The following SGCD variants were observed in gnomAD, a reference collection of about 807,000 sequenced individuals.
SGCD encodes the protein delta-sarcoglycan.
Under a neutral mutation model 36.6 loss-of-function variants are expected in SGCD, and 18 were observed. The ratio of observed to expected loss-of-function variants is 0.49; its 90% CI spans 0.34 to 0.73. The LOEUF (loss-of-function observed/expected upper bound fraction) is 0.73, where lower values mean the gene tolerates loss of function less well. Among genes scored for constraint, SGCD ranks in the 30% least tolerant of loss-of-function variants. SGCD has a pLI of 0.01. For synonymous variants in SGCD, 133 were observed against 130.6 expected, an observed-to-expected ratio of 1.02 and a Z score of -0.12; for missense variants, 387 against 346.7, an observed-to-expected ratio of 1.12 and a Z score of -0.92.
the SGCD span, among the ~76,000 whole-genome samples, chr5:155,775,440 A>C: frequency 6.6e-6 from 1 of 152,188 alleles, no homozygotes. Context: ...TAATTTGCCC[A>C]AAATTAGACA....
Position 156,759,241 on chromosome 5 carries a change from A to T in SGCD, c.724A>T (p.Arg242Trp). 2 of 1,613,796 alleles carry T rather than the reference A, an allele frequency of 1.2e-6. No individual in the cohort carries two copies. The highest frequency in any genetic ancestry group is 1.7e-6 in the Non-Finnish European group (2 of 1,179,736). Residue 242 changes from arginine to tryptophan, a missense_variant, in exon 9 of 9, where the codon AGG becomes TGG. By Grantham distance (101) the Arg-to-Trp change is moderately radical. Transcript: ENST00000337851. ...GATTAAGTTAGATGCTGCGAAAATC[A>T]GGCTACCTAGACTGCCTCATGGATC... is the stretch of plus-strand genomic sequence containing the variant. ...GEIKLDAAKI[R>W]LPRLPHGSYT...
In SGCD at chr5:156,612,760, C is replaced by G. The variant is rs114392191; in HGVS notation, c.502+17709C>G. On this transcript the variant is annotated intron_variant, in intron 6 of 8. Transcript: ENST00000337851. ...GTGCAATGGCTACCACCCTCCAGAG[C>G]AGCATGTACTCTAGCAGTTGATCCA... 2.7e-3 allele frequency among the ~76,000 whole-genome samples: 413 copies of G among 152,282 alleles called. 3 individuals are homozygous for G. The highest frequency in any genetic ancestry group is 9.5e-3 in the African/African-American group (395 of 41,546).
chr5:156,097,197 C>T (rs1761400529), intron 1 of SGCD, among the ~76,000 whole-genome samples: 1 of 151,780 alleles, frequency 6.6e-6, no homozygotes, highest in South Asian at 2.1e-4. Context: ...TCTAGGTTTA[C>T]CCTGTTTGGT....
chr5:156,597,131 T>G (rs1187087388), intron 6 of SGCD, among the ~76,000 whole-genome samples: 1 of 152,220 alleles, frequency 6.6e-6, no homozygotes, highest in Non-Finnish European at 1.5e-5. Flanking sequence ...GCCTTGCTTT[T>G]TTATATCTGT....
At chr5:156,036,854 C>A (rs1317566857) in intron 1 of SGCD, among the ~76,000 whole-genome samples, 2 of 152,112 alleles carry the variant, frequency 1.3e-5, no homozygotes, top group Non-Finnish European at 2.9e-5. Context: ...CCTTCTATGT[C>A]ATGCTGCAGT....
chr5:156,283,355 A>C (rs1337406373), intron 3 of SGCD, among the ~76,000 whole-genome samples: 1 of 152,210 alleles, frequency 6.6e-6, no homozygotes, highest in African/African-American at 2.4e-5. Context: ...TGCACAGATC[A>C]GTCATACCCA....
chr5:156,723,395 T>C (rs1204567208), intron 7 of SGCD, among the ~76,000 whole-genome samples: 1 of 152,220 alleles, frequency 6.6e-6, no homozygotes, highest in African/African-American at 2.4e-5. Context: ...CTATTTATTA[T>C]AGACTTAAAC....
chr5:156,264,050 G>GT (rs1159065966), intron 3 of SGCD, among the ~76,000 whole-genome samples: 1 of 151,520 alleles, frequency 6.6e-6, no homozygotes. Flanking sequence ...TAGATTGATT[G>GT]TAAAAAAAAA....
At chr5:156,263,200 G>T (rs1765911948) in intron 3 of SGCD, among the ~76,000 whole-genome samples, 1 of 151,960 alleles carries the variant, frequency 6.6e-6, no homozygotes, top group African/African-American at 2.4e-5. Flanking sequence ...TTCTATAGTG[G>T]TTGTACTAGT....
At chr5:156,342,964 C>G (rs1185854932) in intron 2 of SGCD, among the ~76,000 whole-genome samples, 2 of 152,164 alleles carry the variant, frequency 1.3e-5, no homozygotes, top group African/African-American at 2.4e-5. Flanking sequence ...GAGACAGATG[C>G]CATGTAGGCC....
intron 4 of SGCD, among the ~76,000 whole-genome samples, chr5:156,576,966 G>T (rs1293249096): frequency 6.6e-6 from 1 of 151,920 alleles, no homozygotes; most frequent in Non-Finnish European, 1.5e-5. Context: ...CATTGCTTTT[G>T]GTGTTTTAGA....
intron 4 of SGCD, among the ~76,000 whole-genome samples, chr5:156,562,646 G>C (rs918098877): frequency 1.3e-5 from 2 of 152,028 alleles, no homozygotes; most frequent in African/African-American, 4.8e-5. Flanking sequence ...ATTTTAAAAT[G>C]ACCATTCAAT....
chr5:156,735,043 T>A (rs1034022793), intron 7 of SGCD, among the ~76,000 whole-genome samples: 8 of 152,220 alleles, frequency 5.3e-5, no homozygotes, highest in Non-Finnish European at 1.0e-4. Flanking sequence ...TTAAACAGTC[T>A]GGCCACTTTT....
chr5:155,867,086 G>A (rs1755538313), upstream of SGCD, among the ~76,000 whole-genome samples: 1 of 152,188 alleles, frequency 6.6e-6, no homozygotes, highest in African/African-American at 2.4e-5. Flanking sequence ...GTGAGTTGAT[G>A]TCAAAGTGAA....
intron 3 of SGCD, among the ~76,000 whole-genome samples, chr5:156,443,840 G>A (rs916053635): frequency 6.6e-6 from 1 of 152,142 alleles, no homozygotes; most frequent in Admixed American, 6.5e-5. Flanking sequence ...ACAGCAGTGG[G>A]CTGTGGGCAA....
chr5:156,481,514 C>CA (rs1487159164), intron 3 of SGCD, among the ~76,000 whole-genome samples: 3 of 151,930 alleles, frequency 2.0e-5, no homozygotes, highest in African/African-American at 7.3e-5. Flanking sequence ...TTTGTGGATC[C>CA]AAAAAAACTA....
chr5:156,583,928 A>G (rs1167105337), intron 4 of SGCD, among the ~76,000 whole-genome samples: 2 of 152,232 alleles, frequency 1.3e-5, no homozygotes, highest in East Asian at 3.8e-4. Context: ...ACTGAAGTAG[A>G]CTCCAGAGAG....
chr5:156,338,973 A>C (rs114386943), intron 2 of SGCD, among the ~76,000 whole-genome samples: 3,447 of 152,202 alleles, frequency 0.023, 124 homozygotes, highest in African/African-American at 0.078. Flanking sequence ...ATGCTATGCA[A>C]TCCCAGTTAG....
chr5:156,671,176 T>TA (rs543904931), intron 7 of SGCD, among the ~76,000 whole-genome samples: 281 of 144,786 alleles, frequency 1.9e-3, no homozygotes, highest in African/African-American at 3.1e-3. Flanking sequence ...TTTTCCACAT[T>TA]AAAAAAAAAA....
Sources: gnomAD v4.1 joint callset for allele counts (sites outside exome capture counted in the v4.1 genomes callset) on GRCh38, gnomAD v4.1.1 for gene constraint, MANE v1.5 for transcripts, NCBI Gene and HGNC (gene_info 2026-07-23, HGNC 2026-07-21) for gene names.